ACSS1: variants seen among roughly 807,000 people sequenced by gnomAD.
The protein encoded by ACSS1 is acyl-CoA synthetase short chain family member 1, also known as acetyl-coenzyme A synthetase 2-like, mitochondrial.
In ACSS1, 42 loss-of-function variants were observed where a neutral mutation model predicts 75.3. That is an observed-to-expected ratio of 0.56 (90% CI 0.44 to 0.72). ACSS1 has a LOEUF of 0.72. ACSS1 is among the 30% of genes least tolerant of loss of function. The probability of loss-of-function intolerance (pLI) is 0.00; values close to 1 mark genes in which losing one functional copy is unlikely to be tolerated. For synonymous variants in ACSS1, 380 were observed against 376.8 expected (o/e 1.01, Z -0.10); for missense variants, 782 against 935.7 (o/e 0.84, Z 2.14).
chr20:25,020,858 T>C (rs916182269), intron 6 of ACSS1, among the ~76,000 whole-genome samples: 4 of 152,232 alleles, frequency 2.6e-5, no homozygotes, highest in African/African-American at 9.6e-5. Flanking sequence ...CTGCTTACAT[T>C]AAAGAAAATA....
intron 2 of ACSS1, 70 bp downstream of exon 2, chr20:25,048,015 C>A: frequency 7.0e-7 from 1 of 1,426,100 alleles, no homozygotes; most frequent in Non-Finnish European, 9.7e-7. Context: ...CCCTCCCTGA[C>A]AGCCAGACTC....
At chr20:25,032,212 T>G (rs1568840952) in intron 2 of ACSS1, among the ~76,000 whole-genome samples, 1 of 152,218 alleles carries the variant, frequency 6.6e-6, no homozygotes, top group African/African-American at 2.4e-5. Flanking sequence ...CTGGCCACTC[T>G]GGGGCCTATC....
chr20:25,007,578 G>A lies in ACSS1; in HGVS notation c.*184C>T. 1.4e-6 allele frequency: 2 copies of A among 1,441,230 alleles called. No individual in the cohort carries two copies. The highest frequency in any genetic ancestry group is 1.5e-5 in the South Asian group (1 of 68,206). The allele number at this position is 1,441,230 out of a possible 1,614,324, so 89.3% of individuals were successfully genotyped here. The stretch of plus-strand genomic sequence containing the variant: ...TAGCCTCTCCATGGGTGACACTCCT[G>A]GGACCTCCAATGGATGGGAGAAAGG... On this transcript the variant is annotated 3_prime_UTR_variant, in exon 14 of 14. Coordinates refer to ENST00000323482, the MANE Select transcript of ACSS1 (RefSeq NM_032501.4).
chr20:25,016,505 C>T lies in ACSS1; in HGVS notation c.1247-1275G>A, dbSNP rs539849481. ...ACTCACCAGGCTAGACGTGCTATCA[C>T]TAAAACACTGAAATACTCTCGTGCT... On this transcript the variant is annotated intron_variant, in intron 7 of 13. Transcript: ENST00000323482. 3.3e-5 allele frequency among the ~76,000 whole-genome samples: 5 copies of T among 152,352 alleles called. No homozygotes were observed. The East Asian group carries it at 9.6e-4, about 29-fold the overall frequency.
chr20:25,034,520 T>C (rs890319312), intron 2 of ACSS1, among the ~76,000 whole-genome samples: 2 of 152,012 alleles, frequency 1.3e-5, no homozygotes, highest in African/African-American at 2.4e-5. Flanking sequence ...TCATGGTGCC[T>C]GCCCAGAGCT....
At chr20:25,024,005 A>G (rs2088671983) in intron 3 of ACSS1, among the ~76,000 whole-genome samples, 1 of 152,160 alleles carries the variant, frequency 6.6e-6, no homozygotes, top group South Asian at 2.1e-4. Context: ...ACCTGCAGCA[A>G]TCAAGGTGAC....
rs1209247849 is a variant in ACSS1, at chr20:25,013,527, C to G, written c.1579+9G>C. On this transcript the variant is annotated intron_variant, in intron 10 of 13. Transcript: ENST00000323482. ...AAAGGAATGAGAGGGTCCCTGACAG[C>G]CTGCTCACCTGGGTAGGCCTTGAAG... The G allele has an allele frequency of 4.4e-6, 7 of 1,581,834 alleles. No homozygotes were observed. The highest frequency in any genetic ancestry group is 6.0e-6 in the Non-Finnish European group (7 of 1,157,952).
intron 12 of ACSS1, chr20:25,009,658 G>A: frequency 2.2e-6 from 1 of 447,932 alleles, no homozygotes; most frequent in Non-Finnish European, 4.1e-6. Flanking sequence ...ATGCTGACTG[G>A]CTGCGTGTGA....
intron 1 of ACSS1, among the ~76,000 whole-genome samples, chr20:25,049,703 G>A (rs73906065): frequency 0.021 from 3,218 of 152,182 alleles, 112 homozygotes; most frequent in African/African-American, 0.071. Flanking sequence ...CGGAGACAGC[G>A]CCCGCACCAC....
chr20:25,008,029 C>T, intron 13 of ACSS1, 88 bp from the exon 14 acceptor site: 2 of 1,475,262 alleles, frequency 1.4e-6, no homozygotes, highest in South Asian at 2.7e-5. Flanking sequence ...AAGGGCTCTG[C>T]TCAGGGGGGA....
At chr20:25,046,142 T>G (rs1980125367) in intron 2 of ACSS1, 1 of 152,210 alleles carries the variant, frequency 6.6e-6, no homozygotes, top group African/African-American at 2.4e-5. Flanking sequence ...GCCAGGTTGG[T>G]CTCAAACTCC....
chr20:25,023,268 TGTGTTAC>T lies in ACSS1; in HGVS notation c.808-183_808-177del, dbSNP rs367749138. Among the ~76,000 whole-genome samples, 37 of 152,324 alleles carry T rather than the reference TGTGTTAC, an allele frequency of 2.4e-4. 1 individual carries two copies. The highest frequency in any genetic ancestry group is 8.9e-4 in the African/African-American group (37 of 41,560). On this transcript the variant is annotated intron_variant, in intron 4 of 13. Coordinates refer to ENST00000323482, the MANE Select transcript of ACSS1 (RefSeq NM_032501.4). Reference sequence around the variant, plus strand: ...AAACAAAAGCGTGGGTGCAAGCATTTGTGTTACAGTAAGTGTTCCAACATGCTTGTCG... The same window carrying T: ...AAACAAAAGCGTGGGTGCAAGCATTTAGTAAGTGTTCCAACATGCTTGTCG...
intron 1 of ACSS1, among the ~76,000 whole-genome samples, chr20:25,052,000 C>T (rs1212488756): frequency 6.6e-6 from 1 of 152,152 alleles, no homozygotes; most frequent in Non-Finnish European, 1.5e-5. Context: ...TTGTTCTGGC[C>T]ACCATGGCTG....
intron 1 of ACSS1, among the ~76,000 whole-genome samples, chr20:25,049,854 C>T (rs1289693364): frequency 3.9e-5 from 6 of 152,074 alleles, no homozygotes; most frequent in African/African-American, 1.2e-4. Context: ...TCCAAAGTCC[C>T]CCGGTAACAG....
intron 2 of ACSS1, among the ~76,000 whole-genome samples, chr20:25,044,052 G>A (rs1427358785): frequency 1.3e-5 from 2 of 152,156 alleles, no homozygotes; most frequent in East Asian, 1.9e-4. Context: ...CTGTGTGGGG[G>A]CATACCCTGC....
At position 25,012,951 on chromosome 20, in the gene ACSS1, C is replaced by T. The variant is rs1248415766; in HGVS notation, c.1580-12G>A. 2 of 1,613,964 alleles carry T rather than the reference C, an allele frequency of 1.2e-6. No homozygotes were observed. Among genetic ancestry groups the T allele is most frequent in the African/African-American group, 2.7e-5 (2 of 74,932 alleles). On this transcript the variant is annotated splice_polypyrimidine_tract_variant and intron_variant, in intron 10 of 13. Coordinates refer to ENST00000323482, the MANE Select transcript of ACSS1 (RefSeq NM_032501.4). ...AGTGAAGTAATAGCCTGCACCACAG[C>T]AGGGAAATTCAGCACCAGGAACCCT...
intron 7 of ACSS1, among the ~76,000 whole-genome samples, chr20:25,018,770 G>A (rs1353828154): frequency 6.6e-6 from 1 of 152,202 alleles, no homozygotes; most frequent in Non-Finnish European, 1.5e-5. Context: ...AGCTGGTTGA[G>A]AAACAGAAGG....
chr20:25,056,860 C>T (rs560330443), intron 1 of ACSS1, among the ~76,000 whole-genome samples: 1 of 152,336 alleles, frequency 6.6e-6, no homozygotes, highest in African/African-American at 2.4e-5. Flanking sequence ...ACACCCAGGC[C>T]CACCCTGCAT....
At chr20:25,021,583 C>A (rs1379064768) in intron 5 of ACSS1, 47 bp from the exon 6 acceptor site, 1 of 1,599,004 alleles carries the variant, frequency 6.3e-7, no homozygotes, top group African/African-American at 1.3e-5. Flanking sequence ...CCCCACTCCA[C>A]CATGTTCACA....
Sources: gnomAD v4.1 joint callset for allele counts (sites outside exome capture counted in the v4.1 genomes callset) on GRCh38, gnomAD v4.1.1 for gene constraint, MANE v1.5 for transcripts, NCBI Gene and HGNC (gene_info 2026-07-23, HGNC 2026-07-21) for gene names.